The following NAV3 variants were observed in gnomAD, a reference collection of about 807,000 sequenced individuals.
NAV3 encodes the protein pore membrane and/or filament interacting like protein 1.
A neutral mutation model predicts 244.7 loss-of-function variants in NAV3; 87 were observed. That is an observed-to-expected ratio of 0.36 (90% CI 0.30 to 0.42). The LOEUF (loss-of-function observed/expected upper bound fraction) is 0.42, where lower values mean the gene tolerates loss of function less well. NAV3 is among the 20% of genes least tolerant of loss of function. NAV3 has a pLI of 1.00. For synonymous variants in NAV3, 1,126 were observed against 1,042.2 expected (o/e 1.08, Z -1.55); for missense variants, 2,663 against 2,893.3 (o/e 0.92, Z 1.83).
chr12:78,040,158 G>C (rs1280188099), intron 9 of NAV3, among the ~76,000 whole-genome samples: 1 of 152,130 alleles, frequency 6.6e-6, no homozygotes, highest in Non-Finnish European at 1.5e-5. Flanking sequence ...TAGGGGGTTT[G>C]TAAGTACATT....
intron 2 of NAV3, among the ~76,000 whole-genome samples, chr12:77,655,225 G>A (rs1221028366): frequency 1.3e-5 from 2 of 152,098 alleles, no homozygotes; most frequent in African/African-American, 4.8e-5. Flanking sequence ...TTAGACGAAT[G>A]TATAACTAGA....
chr12:77,875,710 A>C (rs551829795), intron 1 of NAV3, among the ~76,000 whole-genome samples: 3 of 152,080 alleles, frequency 2.0e-5, no homozygotes, highest in African/African-American at 7.2e-5. Flanking sequence ...TATTTAGCCT[A>C]TGTGTAAATA....
At chr12:77,732,012 A>T (rs550250953) in intron 2 of NAV3, among the ~76,000 whole-genome samples, 9 of 152,044 alleles carry the variant, frequency 5.9e-5, no homozygotes, top group African/African-American at 2.2e-4. Flanking sequence ...AGTCGGTAGA[A>T]AGGAAGAGTT....
intron 31 of NAV3, among the ~76,000 whole-genome samples, chr12:78,186,996 G>T (rs1958750969): frequency 6.6e-6 from 1 of 151,744 alleles, no homozygotes; most frequent in Non-Finnish European, 1.5e-5. Context: ...CCACCATTAT[G>T]ATTTCATTTA....
At chr12:77,886,754 A>G (rs1221747621) in intron 1 of NAV3, among the ~76,000 whole-genome samples, 1 of 152,148 alleles carries the variant, frequency 6.6e-6, no homozygotes, top group African/African-American at 2.4e-5. Context: ...TTTCTTACAT[A>G]AATATCTAGA....
At chr12:78,039,317 G>T (rs1287371472) in intron 9 of NAV3, among the ~76,000 whole-genome samples, 1 of 152,060 alleles carries the variant, frequency 6.6e-6, no homozygotes, top group Non-Finnish European at 1.5e-5. Context: ...TTTAGGTGGG[G>T]TTCCTTGAGG....
At chr12:77,848,447 T>C (rs1210454944) in intron 1 of NAV3, among the ~76,000 whole-genome samples, 1 of 152,218 alleles carries the variant, frequency 6.6e-6, no homozygotes, top group Non-Finnish European at 1.5e-5. Flanking sequence ...TGAATGAATA[T>C]AAGATCCATC....
intron 1 of NAV3, among the ~76,000 whole-genome samples, chr12:77,872,320 C>T (rs961714536): frequency 2.6e-5 from 4 of 151,950 alleles, no homozygotes; most frequent in Admixed American, 6.6e-5. Flanking sequence ...ATAAAGTAGG[C>T]TTGTGTGTAA....
rs79157113 is a variant in NAV3 at position 78,199,611 on chromosome 12, A to T, written c.6715+80A>T. The T allele has an allele frequency of 2.9e-3, 3,036 of 1,056,202 alleles. 56 individuals carry two copies. The African/African-American group carries it at 0.044, about 15-fold the overall frequency. The allele number at this position is 1,056,202 out of a possible 1,614,324, so 65.4% of individuals were successfully genotyped here. ...AGACGGCCAGATTGGATGGTAGAAA[A>T]TAACAAGCAAAGCTAATGCTTATTC... On this transcript the variant is annotated intron_variant, in intron 37 of 39. Coordinates refer to ENST00000397909, the MANE Select transcript of NAV3 (RefSeq NM_001024383.2).
At chr12:77,815,886 A>T (rs1451342201) in intron 2 of NAV3, among the ~76,000 whole-genome samples, 2 of 152,156 alleles carry the variant, frequency 1.3e-5, no homozygotes, top group African/African-American at 4.8e-5. Context: ...GTAATTTTAT[A>T]TTAATATTTT....
chr12:77,812,360 C>G (rs1872326294), intron 2 of NAV3, among the ~76,000 whole-genome samples: 1 of 151,788 alleles, frequency 6.6e-6, no homozygotes, highest in South Asian at 2.1e-4. Context: ...TTTCAGAGAT[C>G]AAAGATTTAA....
At chr12:78,148,993 C>T (rs1956969994) in intron 22 of NAV3, 74 bp downstream of exon 22, 3 of 1,303,578 alleles carry the variant, frequency 2.3e-6, no homozygotes, top group Admixed American at 2.0e-5. Context: ...TAGTAACAAA[C>T]TTACAAATTT....
intron 9 of NAV3, among the ~76,000 whole-genome samples, chr12:78,047,664 T>C (rs1384367733): frequency 2.0e-5 from 3 of 152,202 alleles, no homozygotes; most frequent in Admixed American, 1.3e-4. Context: ...TCAACTTTGG[T>C]GAATCTGACA....
In NAV3 at chr12:78,110,676, C is replaced by CAT. The variant is rs148753434; in HGVS notation, c.2637-6080_2637-6079dup. On this transcript the variant is annotated intron_variant, in intron 12 of 39. Transcript: ENST00000397909. ...GGAATAGAAAGCTCAGAAATAAAGC[C>CAT]ATATATATATATATATAGTGTGTGT... 6.2e-3 allele frequency among the ~76,000 whole-genome samples: 908 copies of CAT among 145,392 alleles called. 4 individuals carry two copies. Among genetic ancestry groups the CAT allele is most frequent in the African/African-American group, 0.01 (405 of 39,190 alleles).
chr12:78,101,842 G>A (rs1424357571), intron 12 of NAV3, among the ~76,000 whole-genome samples: 3 of 152,058 alleles, frequency 2.0e-5, no homozygotes, highest in Non-Finnish European at 4.4e-5. Flanking sequence ...AAAACCCAAA[G>A]CCTAACAGTT....
chr12:77,945,334 C>A (rs771583179), intron 3 of NAV3, among the ~76,000 whole-genome samples: 4 of 152,046 alleles, frequency 2.6e-5, no homozygotes, highest in Non-Finnish European at 5.9e-5. Context: ...AATAGGGATA[C>A]ATTTGTTTCT....
intron 5 of NAV3, among the ~76,000 whole-genome samples, chr12:77,969,938 A>T (rs1892858419): frequency 6.6e-6 from 1 of 152,238 alleles, no homozygotes; most frequent in African/African-American, 2.4e-5. Flanking sequence ...ATAGACTTTT[A>T]TTACATCCTT....
chr12:77,858,419 C>T (rs547357887), intron 1 of NAV3, among the ~76,000 whole-genome samples: 5 of 152,074 alleles, frequency 3.3e-5, no homozygotes, highest in African/African-American at 1.2e-4. Flanking sequence ...TTCAACAATG[C>T]CTCAGGTTCT....
intron 3 of NAV3, among the ~76,000 whole-genome samples, chr12:77,965,225 G>T (rs920832010): frequency 6.6e-6 from 1 of 152,128 alleles, no homozygotes; most frequent in Non-Finnish European, 1.5e-5. Context: ...TCTTAGCTGT[G>T]TCACTGCTAT....
Sources: gnomAD v4.1 joint callset for allele counts (sites outside exome capture counted in the v4.1 genomes callset) on GRCh38, gnomAD v4.1.1 for gene constraint, MANE v1.5 for transcripts, NCBI Gene and HGNC (gene_info 2026-07-23, HGNC 2026-07-21) for gene names.